Variants in RAB44 observed in about 807,000 individuals in gnomAD.
RAB44 encodes the protein ras-related protein Rab-44.
A neutral mutation model predicts 93.3 loss-of-function variants in RAB44; 67 were observed. That is an observed-to-expected ratio of 0.72 (90% CI 0.59 to 0.88). The LOEUF is 0.88. Among genes scored for constraint, RAB44 ranks in the 40% least tolerant of loss-of-function variants. The pLI, the probability that RAB44 is intolerant of heterozygous loss-of-function variation, is 0.00. For missense variants in RAB44, 1,064 were observed against 1,261.7 expected (o/e 0.84, Z 2.37); for synonymous variants, 427 against 520.3 (o/e 0.82, Z 2.44).
chr6:36,717,993 A>G lies in RAB44; in HGVS notation c.642-35A>G. The G allele has an allele frequency of 4.9e-6, 6 of 1,215,360 alleles. No individual in the cohort carries two copies. The highest frequency in any genetic ancestry group is 6.2e-6 in the Non-Finnish European group (6 of 972,646). The allele number at this position is 1,215,360 out of a possible 1,614,324, so 75.3% of individuals were successfully genotyped here. ...CAGCAGCAGGCTCCCAGAGGTGCTG[A>G]TGGGCTGCCTGGCCCCAACTCCTGC... On this transcript the variant is annotated intron_variant, in intron 5 of 13. Coordinates refer to ENST00000612677, the MANE Select transcript of RAB44 (RefSeq NM_001257357.2). This position sits in a 1 kb window ranked among gnomAD's most constrained non-coding sequence, Gnocchi z 4.1.
At chr6:36,703,141 T>A (rs1762552539) in intron 1 of RAB44, among the ~76,000 whole-genome samples, 1 of 152,212 alleles carries the variant, frequency 6.6e-6, no homozygotes, top group African/African-American at 2.4e-5. Context: ...TGTGGTGTCT[T>A]CCCATGGTGG....
At chr6:36,714,058 C>T in intron 3 of RAB44, 119 bp downstream of exon 3, 5 of 673,168 alleles carry the variant, frequency 7.4e-6, no homozygotes, top group Non-Finnish European at 1.3e-5. Flanking sequence ...CACCCCCCAT[C>T]CCCGGCTGCC....
Position 36,721,175 on chromosome 6 carries a change from C to T in RAB44, c.1041C>T (p.Thr347=). The T allele has an allele frequency of 1.6e-6, 2 of 1,234,432 alleles. No individual in the cohort carries two copies. Among genetic ancestry groups the T allele is most frequent in the Non-Finnish European group, 2.0e-6 (2 of 988,206 alleles). The allele number at this position is 1,234,432 out of a possible 1,614,324, so 76.5% of individuals were successfully genotyped here. The change falls in exon 9 of 14, where the codon ACC becomes ACT. Residue 347 remains threonine, a synonymous_variant. Coordinates refer to ENST00000612677, the MANE Select transcript of RAB44 (RefSeq NM_001257357.2). ...GTTTTCCTGGAGCGGGTGAGAAGAC[C>T]CCAGACCCTCAGGCTGCCTCCCCTG... ...KLSFPGAGEK[T]PDPQAASPEE...
intron 10 of RAB44, among the ~76,000 whole-genome samples, chr6:36,726,715 C>CATT (rs1763246964): frequency 6.6e-6 from 1 of 151,798 alleles, no homozygotes; most frequent in Non-Finnish European, 1.5e-5. Context: ...CAATAGGGGA[C>CATT]CAGTTAAATA....
intron 10 of RAB44, among the ~76,000 whole-genome samples, chr6:36,727,284 A>C (rs1288810066): frequency 6.6e-6 from 1 of 152,204 alleles, no homozygotes; most frequent in Non-Finnish European, 1.5e-5. Flanking sequence ...ATGCCTCTGG[A>C]AAAATATTTA....
chr6:36,703,601 C>T (rs1762563695), intron 1 of RAB44, among the ~76,000 whole-genome samples: 1 of 152,066 alleles, frequency 6.6e-6, no homozygotes, highest in South Asian at 2.1e-4. Flanking sequence ...GTGGATGAAG[C>T]TGAGGCCATG....
chr6:36,718,398 AC>A, intron 6 of RAB44, 94 bp from the exon 7 acceptor site: 1 of 608,362 alleles, frequency 1.6e-6, no homozygotes, highest in Non-Finnish European at 2.4e-6. Context: ...TGGCCCAGGC[AC>A]CCCAGGTGGT....
Position 36,721,583 on chromosome 6 carries a change from T to A in RAB44, c.1449T>A (p.Gly483=). 8.1e-7 allele frequency: 1 copy of A among 1,234,160 alleles called. No homozygotes were observed. Among genetic ancestry groups the A allele is most frequent in the Non-Finnish European group, 1.0e-6 (1 of 988,258 alleles). 76.5% of individuals were successfully genotyped at this position (1,234,160 alleles called of 1,614,324 possible). ...GSTPEGRLLW[G]LSGSLVAPAF... is the part of the protein sequence containing the mutation. Reference sequence around the variant, plus strand: ...CACCCGAGGGCCGCCTCCTCTGGGGTCTCTCAGGAAGCCTGGTGGCACCTG... The same window carrying A: ...CACCCGAGGGCCGCCTCCTCTGGGGACTCTCAGGAAGCCTGGTGGCACCTG... Residue 483 remains glycine, a synonymous_variant, in exon 9 of 14, where the codon GGT becomes GGA. Coordinates refer to ENST00000612677, the MANE Select transcript of RAB44 (RefSeq NM_001257357.2).
intron 7 of RAB44, among the ~76,000 whole-genome samples, chr6:36,720,111 G>T (rs904200293): frequency 2.6e-5 from 4 of 152,154 alleles, no homozygotes; most frequent in African/African-American, 4.8e-5. Context: ...CCTTTGTGGC[G>T]CTGGTGGTTT....
intron 9 of RAB44, among the ~76,000 whole-genome samples, chr6:36,724,905 T>C (rs1735296270): frequency 6.6e-6 from 1 of 152,052 alleles, no homozygotes; most frequent in South Asian, 2.1e-4. Context: ...CTCCCCCACC[T>C]CACAAAATAA....
rs1033415246 is a variant in RAB44, at chr6:36,727,649, G to A, written c.2754G>A (p.Gln918=). The change falls in exon 11 of 14, where the codon CAG becomes CAA. Residue 918 remains glutamine, a synonymous_variant. Transcript: ENST00000612677. ...GVVLMYDITS[Q]ESFAHVRYWL... ...TGCTCATGTACGACATCACCTCCCA[G>A]GAGAGCTTTGCCCACGTGCGCTACT... 19 of 1,550,496 alleles carry A rather than the reference G, an allele frequency of 1.2e-5. No individual in the cohort carries two copies. Among genetic ancestry groups the A allele is most frequent in the Non-Finnish European group, 1.6e-5 (18 of 1,146,994 alleles).
chr6:36,725,996 G>GCTCCCTGTCCCTCTGCACCC, intron 10 of RAB44, 53 bp downstream of exon 10: 1 of 1,381,896 alleles, frequency 7.2e-7, no homozygotes, highest in Non-Finnish European at 1.0e-6. Flanking sequence ...GCGTAGGGGT[G>GCTCCCTGTCCCTCTGCACCC]CAGAGGGACA....
chr6:36,731,457 G>A lies in RAB44; in HGVS notation c.2976-546G>A, dbSNP rs115521603. Among the ~76,000 whole-genome samples, 842 of 152,300 alleles carry A rather than the reference G, an allele frequency of 5.5e-3. 8 individuals carry two copies. Among genetic ancestry groups the A allele is most frequent in the African/African-American group, 0.019 (791 of 41,538 alleles). ...TGAATAAAATGAGTAAGGCATGAGG[G>A]GAGCTAGATCAGATGAGCACCATCT... On this transcript the variant is annotated intron_variant, in intron 13 of 13. Coordinates refer to ENST00000612677, the MANE Select transcript of RAB44 (RefSeq NM_001257357.2). This position sits in a 1 kb window ranked among gnomAD's most constrained non-coding sequence, Gnocchi z 4.0.
chr6:36,712,886 C>T (rs916865337), intron 2 of RAB44, among the ~76,000 whole-genome samples: 4 of 152,228 alleles, frequency 2.6e-5, no homozygotes, highest in South Asian at 2.1e-4. Context: ...CAGTCATGTG[C>T]GGCCTCAGAT....
chr6:36,719,062 G>GGCGCCCATCACT (rs1763002900), intron 7 of RAB44, among the ~76,000 whole-genome samples: 1 of 152,174 alleles, frequency 6.6e-6, no homozygotes, highest in South Asian at 2.1e-4. Flanking sequence ...TGGGACTACA[G>GGCGCCCATCACT]GCGCCCATCA....
chr6:36,712,498 G>A (rs1196677074), intron 2 of RAB44, among the ~76,000 whole-genome samples: 1 of 152,086 alleles, frequency 6.6e-6, no homozygotes, highest in Non-Finnish European at 1.5e-5. Flanking sequence ...CTGAGTAGCT[G>A]GGATTACAGG....
rs905493600 is a variant in RAB44 at position 36,724,971 on chromosome 6, G to A, written c.2600-891G>A. Among the ~76,000 whole-genome samples, 3 of 152,172 alleles carry A rather than the reference G, an allele frequency of 2.0e-5. No homozygotes were observed. In the South Asian group the frequency reaches 6.2e-4, roughly 32 times the overall value. ...GACCAGATAGAGAATCAGAGCCAAC[G>A]GAGTTATATTTGAATGTACATTTTC... On this transcript the variant is annotated intron_variant, in intron 9 of 13. Coordinates refer to ENST00000612677, the MANE Select transcript of RAB44 (RefSeq NM_001257357.2).
intron 4 of RAB44, among the ~76,000 whole-genome samples, chr6:36,715,971 C>A (rs577028443): frequency 6.6e-6 from 1 of 152,192 alleles, no homozygotes. Context: ...GGAGGACTAG[C>A]GATTGGGCTC....
At chr6:36,704,863 T>C (rs2150324969) in intron 2 of RAB44, among the ~76,000 whole-genome samples, 1 of 152,320 alleles carries the variant, frequency 6.6e-6, no homozygotes, top group Middle Eastern at 3.4e-3. Flanking sequence ...TTCATGCCTG[T>C]AATCCCAGCA....
Sources: gnomAD v4.1 joint callset for allele counts (sites outside exome capture counted in the v4.1 genomes callset) on GRCh38, gnomAD v4.1.1 for gene constraint, Gnocchi (gnomAD v3.1) non-coding constraint, MANE v1.5 for transcripts, NCBI Gene and HGNC (gene_info 2026-07-23, HGNC 2026-07-21) for gene names.